Variants in PTPRA observed in about 807,000 individuals in gnomAD.
PTPRA encodes receptor-type tyrosine-protein phosphatase alpha.
Under a neutral mutation model 104.8 loss-of-function variants are expected in PTPRA, and 25 were observed. That is an observed-to-expected ratio of 0.24 (90% CI 0.17 to 0.33). PTPRA has a LOEUF of 0.33. Ranked by LOEUF, PTPRA falls within the 10% of genes least tolerant of loss-of-function variation. PTPRA has a pLI of 1.00. For missense variants in PTPRA, 765 were observed against 1,015.3 expected (o/e 0.75, Z 3.35); for synonymous variants, 323 against 368.9 (o/e 0.88, Z 1.43).
intron 1 of PTPRA, among the ~76,000 whole-genome samples, chr20:2,909,738 ATATAT>A (rs1216046653): frequency 1.4e-5 from 2 of 142,192 alleles, no homozygotes; most frequent in East Asian, 2.0e-4. Context: ...TATATAAATT[ATATAT>A]TATATATTAC....
rs1482590005 is a variant in PTPRA, at chr20:3,038,282, A to T, written c.*149A>T. 1 of 672,454 alleles carries T rather than the reference A, an allele frequency of 1.5e-6. No homozygotes were observed. The highest frequency in any genetic ancestry group is 2.9e-5 in the Admixed American group (1 of 34,698). 41.7% of individuals were successfully genotyped at this position (672,454 alleles called of 1,614,324 possible). On this transcript the variant is annotated 3_prime_UTR_variant, in exon 24 of 24. Transcript: ENST00000399903. ...CTATTACCTATTAGGTGGAAATTTTATATGTAAATGTGTTAGCACTGATAG... is the reference window on the plus strand; with the variant it reads ...CTATTACCTATTAGGTGGAAATTTTTTATGTAAATGTGTTAGCACTGATAG...
intron 1 of PTPRA, among the ~76,000 whole-genome samples, chr20:2,891,180 C>A (rs571517942): frequency 6.6e-6 from 1 of 152,292 alleles, no homozygotes; most frequent in East Asian, 1.9e-4. Context: ...ACCATTTCTC[C>A]TATCCCTTAA....
At chr20:3,014,082 G>A (rs578151434) in intron 11 of PTPRA, among the ~76,000 whole-genome samples, 6 of 152,282 alleles carry the variant, frequency 3.9e-5, no homozygotes, top group Admixed American at 6.5e-5. Context: ...AATATGATGC[G>A]CTTAACGTAT....
intron 12 of PTPRA, among the ~76,000 whole-genome samples, 172 bp from the exon 13 acceptor site, chr20:3,017,644 A>G (rs1455349985): frequency 6.6e-6 from 1 of 152,200 alleles, no homozygotes; most frequent in Non-Finnish European, 1.5e-5. Flanking sequence ...CATACATGGT[A>G]GAAACATGGA....
chr20:2,932,223 G>C (rs2060532828), intron 2 of PTPRA, among the ~76,000 whole-genome samples: 1 of 152,204 alleles, frequency 6.6e-6, no homozygotes, highest in Non-Finnish European at 1.5e-5. Flanking sequence ...GATTTAATCA[G>C]GAGGTTATTT....
intron 13 of PTPRA, among the ~76,000 whole-genome samples, chr20:3,018,514 CAT>C (rs1568699830): frequency 6.6e-6 from 1 of 151,758 alleles, no homozygotes; most frequent in Non-Finnish European, 1.5e-5. Flanking sequence ...GGATACAGCA[CAT>C]GTTTCAGAGA....
At chr20:3,005,212 A>G (rs1251156372) in intron 10 of PTPRA, 66 bp downstream of exon 10, 1 of 1,463,174 alleles carries the variant, frequency 6.8e-7, no homozygotes, top group Non-Finnish European at 9.6e-7. Context: ...TTTTCTGAAG[A>G]TGGAAAGAAT....
intron 1 of PTPRA, among the ~76,000 whole-genome samples, chr20:2,921,568 CT>C (rs552862420): frequency 7.2e-5 from 11 of 151,862 alleles, no homozygotes; most frequent in Admixed American, 2.0e-4. Flanking sequence ...TATTGGGACT[CT>C]TTTTTCCCCC....
chr20:2,951,259 G>A (rs1191412279), intron 3 of PTPRA, among the ~76,000 whole-genome samples: 1 of 151,978 alleles, frequency 6.6e-6, no homozygotes, highest in East Asian at 1.9e-4. Context: ...CCGCCACCAC[G>A]CCCAGCTAGT....
chr20:2,961,058 C>T (rs546908972), intron 3 of PTPRA, among the ~76,000 whole-genome samples: 2 of 152,176 alleles, frequency 1.3e-5, no homozygotes, highest in Non-Finnish European at 2.9e-5. Context: ...TGCTCCCAGT[C>T]GTGGCAATTA....
intron 3 of PTPRA, among the ~76,000 whole-genome samples, chr20:2,952,358 A>G (rs764566999): frequency 2.7e-4 from 41 of 152,044 alleles, no homozygotes; most frequent in Non-Finnish European, 4.9e-4. Flanking sequence ...CCTTTCATAT[A>G]TCTTCTTTGA....
At chr20:2,955,099 A>G (rs1248092743) in intron 3 of PTPRA, among the ~76,000 whole-genome samples, 2 of 152,190 alleles carry the variant, frequency 1.3e-5, no homozygotes, top group Non-Finnish European at 2.9e-5. Flanking sequence ...CTTAACACTG[A>G]GTAGATAGAT....
intron 9 of PTPRA, among the ~76,000 whole-genome samples, chr20:3,001,104 G>A (rs13037313): frequency 0.2 from 31,057 of 152,132 alleles, 3,611 homozygotes; most frequent in East Asian, 0.39. Flanking sequence ...ATGCCACCTA[G>A]TGTTTCTAGA....
chr20:2,960,897 C>T (rs2061733464), intron 3 of PTPRA, among the ~76,000 whole-genome samples: 1 of 151,330 alleles, frequency 6.6e-6, no homozygotes, highest in South Asian at 2.1e-4. Context: ...TGGTTTTTCA[C>T]ATTGGCTTCT....
intron 12 of PTPRA, among the ~76,000 whole-genome samples, chr20:3,017,490 A>G (rs916895901): frequency 5.3e-5 from 8 of 152,218 alleles, no homozygotes; most frequent in Non-Finnish European, 1.2e-4. Context: ...CACTTAGCTC[A>G]CTGTCAGGTC....
At chr20:2,948,844 G>C (rs750483776) in intron 3 of PTPRA, among the ~76,000 whole-genome samples, 5 of 151,966 alleles carry the variant, frequency 3.3e-5, no homozygotes, top group Admixed American at 6.6e-5. Flanking sequence ...CCCAGCTGCT[G>C]GGGAGGCTGA....
At chr20:3,018,715 G>A (rs1197196447) in intron 13 of PTPRA, among the ~76,000 whole-genome samples, 1 of 151,232 alleles carries the variant, frequency 6.6e-6, no homozygotes, top group Admixed American at 6.6e-5. Flanking sequence ...TTGTCATCAT[G>A]GCCCGTTCTC....
intron 12 of PTPRA, among the ~76,000 whole-genome samples, chr20:3,017,556 C>T (rs1248864576): frequency 2.0e-5 from 3 of 152,176 alleles, no homozygotes; most frequent in Admixed American, 2.0e-4. Flanking sequence ...CTGTAATATC[C>T]TTGGGAGACA....
At chr20:2,947,786 G>C (rs1023536345) in intron 2 of PTPRA, among the ~76,000 whole-genome samples, 196 bp from the exon 3 acceptor site, 1 of 152,126 alleles carries the variant, frequency 6.6e-6, no homozygotes, top group African/African-American at 2.4e-5. Context: ...GTTAGTGTCT[G>C]CCAGTATCTG....
Sources: gnomAD v4.1 joint callset for allele counts (sites outside exome capture counted in the v4.1 genomes callset) on GRCh38, gnomAD v4.1.1 for gene constraint, MANE v1.5 for transcripts, NCBI Gene and HGNC (gene_info 2026-07-23, HGNC 2026-07-21) for gene names.